CEP70: variants seen among roughly 807,000 people sequenced by gnomAD.
The protein encoded by CEP70 is centrosomal protein of 70 kDa.
A neutral mutation model predicts 90.9 loss-of-function variants in CEP70; 70 were observed. That is an observed-to-expected ratio of 0.77 (90% CI 0.64 to 0.94). The LOEUF (loss-of-function observed/expected upper bound fraction) is 0.94. Among genes scored for constraint, CEP70 ranks in the 40% least tolerant of loss-of-function variants. The pLI, the probability that CEP70 is intolerant of heterozygous loss-of-function variation, is 0.00. For synonymous variants in CEP70, 220 were observed against 228.3 expected (o/e 0.96, Z 0.33); for missense variants, 648 against 669.0 (o/e 0.97, Z 0.35).
intron 5 of CEP70, 22 bp downstream of exon 5, chr3:138,571,012 G>T (rs868680414): frequency 6.6e-7 from 1 of 1,515,108 alleles, no homozygotes; most frequent in Non-Finnish European, 8.8e-7. Flanking sequence ...CAATTCAAAA[G>T]AAATCTTTTC....
chr3:138,564,107 A>G (rs2040608785), intron 6 of CEP70, among the ~76,000 whole-genome samples: 1 of 152,266 alleles, frequency 6.6e-6, no homozygotes, highest in Admixed American at 6.5e-5. Context: ...GAAGAAATTG[A>G]TAAATTCCTG....
intron 13 of CEP70, among the ~76,000 whole-genome samples, chr3:138,501,283 T>G (rs192502677): frequency 6.6e-6 from 1 of 152,202 alleles, no homozygotes; most frequent in Non-Finnish European, 1.5e-5. Flanking sequence ...AACAGCTTTA[T>G]TGAGATGTAA....
intron 6 of CEP70, among the ~76,000 whole-genome samples, chr3:138,554,968 C>T (rs1168630924): frequency 6.6e-6 from 1 of 152,116 alleles, no homozygotes; most frequent in African/African-American, 2.4e-5. Context: ...CAAAAATCAA[C>T]TCAAGGCCAG....
Position 138,537,297 on chromosome 3 carries a change from A to T in CEP70, c.516T>A (p.Ile172=). 6.2e-7 allele frequency: 1 copy of T among 1,606,912 alleles called. No individual in the cohort carries two copies. Among genetic ancestry groups the T allele is most frequent in the Non-Finnish European group, 8.5e-7 (1 of 1,177,364 alleles). The change falls in exon 7 of 18, where the codon ATT becomes ATA. Residue 172 remains isoleucine (I), a synonymous_variant. Coordinates refer to ENST00000264982, the MANE Select transcript of CEP70 (RefSeq NM_024491.4). ...TACAGACTTCCATTTGCAAAGAAGCAATAGTTTCTTCTTGCTCCGTTCGTT... is the reference window on the plus strand; with the variant it reads ...TACAGACTTCCATTTGCAAAGAAGCTATAGTTTCTTCTTGCTCCGTTCGTT... ...KKKRTEQEET[I]ASLQMEVCRL...
At chr3:138,558,056 C>T (rs1315327638) in intron 6 of CEP70, among the ~76,000 whole-genome samples, 1 of 152,056 alleles carries the variant, frequency 6.6e-6, no homozygotes, top group Non-Finnish European at 1.5e-5. Flanking sequence ...AATTACAGGA[C>T]CATGATTCTG....
intron 17 of CEP70, chr3:138,495,715 G>A: frequency 1.0e-5 from 2 of 195,714 alleles, no homozygotes; most frequent in Non-Finnish European, 1.9e-5. Context: ...AGCTGGGTGT[G>A]GTAGTGGGCA....
chr3:138,527,694 C>CAAA (rs34863399), intron 10 of CEP70, among the ~76,000 whole-genome samples: 35 of 117,804 alleles, frequency 3.0e-4, no homozygotes, highest in African/African-American at 9.8e-4. Context: ...GACTCCGTCT[C>CAAA]AAAAAAAAAA....
At chr3:138,507,380 A>G (rs1261306116) in intron 12 of CEP70, among the ~76,000 whole-genome samples, 1 of 152,214 alleles carries the variant, frequency 6.6e-6, no homozygotes, top group African/African-American at 2.4e-5. Flanking sequence ...ATTCAATTTT[A>G]GTTCATCTCA....
chr3:138,498,127 C>G lies in CEP70; in HGVS notation c.1653-17G>C. ...TAGATAATGCTGTTTAAAAAATGCA[C>G]AATTTAAACCTGATTTCTAACTTTG... On this transcript the variant is annotated splice_polypyrimidine_tract_variant and intron_variant, in intron 16 of 17. Transcript: ENST00000264982. The G allele has an allele frequency of 6.3e-7, 1 of 1,593,758 alleles. No individual in the cohort carries two copies. Among genetic ancestry groups the G allele is most frequent in the Non-Finnish European group, 8.6e-7 (1 of 1,167,604 alleles).
At chr3:138,546,253 T>C (rs1008635135) in intron 6 of CEP70, among the ~76,000 whole-genome samples, 2 of 152,174 alleles carry the variant, frequency 1.3e-5, no homozygotes, top group Non-Finnish European at 2.9e-5. Context: ...GTTGAAATAC[T>C]GGGGGCGGGT....
At chr3:138,517,354 A>G (rs1038511251) in intron 11 of CEP70, among the ~76,000 whole-genome samples, 1 of 152,160 alleles carries the variant, frequency 6.6e-6, no homozygotes, top group Non-Finnish European at 1.5e-5. Flanking sequence ...AGTAGGTAGC[A>G]TAAGCTGACA....
intron 2 of CEP70, among the ~76,000 whole-genome samples, chr3:138,581,939 G>T (rs2108240243): frequency 6.6e-6 from 1 of 152,038 alleles, no homozygotes; most frequent in Middle Eastern, 3.4e-3. Flanking sequence ...ATACAATGGA[G>T]CTCCGTATAG....
At position 138,529,422 on chromosome 3, in the gene CEP70, CGTT is replaced by C; in HGVS notation, c.730_732del (p.Asn244del). On this transcript the variant is annotated inframe_deletion, in exon 9 of 18. Transcript: ENST00000264982. ...GGTGAGGCATCCAGATTTCTGTAGT[CGTT>C]TTCTTCTTCTGACTGACTTTCATCT... 6.2e-7 allele frequency: 1 copy of C among 1,612,094 alleles called. No individual in the cohort carries two copies. The highest frequency in any genetic ancestry group is 8.5e-7 in the Non-Finnish European group (1 of 1,178,848).
Position 138,570,473 on chromosome 3 carries a change from G to C in CEP70, c.310C>G (p.Arg104Gly), listed in dbSNP as rs183530222. Residue 104 changes from arginine to glycine, a missense_variant, in exon 6 of 18, where the codon CGA becomes GGA. By Grantham distance (125) the Arg-to-Gly change is moderately radical. Coordinates refer to ENST00000264982, the MANE Select transcript of CEP70 (RefSeq NM_024491.4). ...GCTCGTTGTTCTTGATTGGCTGCTC[G>C]GCTTTGCTCTAGCTGAAGTTCATTT... ...LRNELQLEQS[R>G]AANQEQRAND... 8.1e-6 allele frequency: 13 copies of C among 1,605,902 alleles called. No homozygotes were observed. Among genetic ancestry groups the C allele is most frequent in the South Asian group, 1.1e-5 (1 of 88,994 alleles).
At chr3:138,568,407 G>C in intron 6 of CEP70, among the ~76,000 whole-genome samples, 1 of 152,084 alleles carries the variant, frequency 6.6e-6, no homozygotes, top group Non-Finnish European at 1.5e-5. Context: ...ATCTCAACCT[G>C]TCTGAAAGAT....
At chr3:138,563,886 C>CA (rs1560420311) in intron 6 of CEP70, among the ~76,000 whole-genome samples, 1 of 151,892 alleles carries the variant, frequency 6.6e-6, no homozygotes, top group East Asian at 1.9e-4. Flanking sequence ...AAAAACTCTT[C>CA]AAAAAAATCA....
chr3:138,498,664 C>G (rs1334417186), intron 16 of CEP70, among the ~76,000 whole-genome samples: 1 of 151,964 alleles, frequency 6.6e-6, no homozygotes, highest in Non-Finnish European at 1.5e-5. Context: ...TGGCAAATTT[C>G]CCATTAAGCT....
intron 7 of CEP70, among the ~76,000 whole-genome samples, chr3:138,534,367 T>A (rs2038090172): frequency 6.6e-6 from 1 of 152,178 alleles, no homozygotes; most frequent in East Asian, 1.9e-4. Flanking sequence ...TTTCACATTA[T>A]CCTGAAAATA....
At chr3:138,555,709 A>G (rs1672963) in intron 6 of CEP70, among the ~76,000 whole-genome samples, 69,356 of 152,082 alleles carry the variant, frequency 0.46, 17,422 homozygotes, top group Admixed American at 0.61. Flanking sequence ...CAAAACCACA[A>G]TGTGATACCA....
Sources: allele counts gnomAD v4.1 joint callset (sites outside exome capture counted in the v4.1 genomes callset), GRCh38; gene constraint gnomAD v4.1.1; transcripts MANE v1.5; gene names NCBI Gene and HGNC (gene_info 2026-07-23, HGNC 2026-07-21).